POLR1A: variants seen among roughly 807,000 people sequenced by gnomAD.
The protein encoded by POLR1A is RNA polymerase I subunit A, also known as DNA-directed RNA polymerase I subunit RPA1.
A neutral mutation model predicts 205.3 loss-of-function variants in POLR1A; 84 were observed. The observed-to-expected ratio is 0.41, with a 90% CI of 0.34 to 0.49. POLR1A has a LOEUF of 0.49. Among genes scored for constraint, POLR1A ranks in the 20% least tolerant of loss-of-function variants. The pLI is 0.22. For missense variants in POLR1A, 1,645 were observed against 2,204.5 expected, an observed-to-expected ratio of 0.75 and a Z score of 5.08; for synonymous variants, 799 against 863.7, an observed-to-expected ratio of 0.93 and a Z score of 1.31.
At chr2:86,067,292 A>G (rs1185315753) in intron 13 of POLR1A, among the ~76,000 whole-genome samples, 1 of 152,238 alleles carries the variant, frequency 6.6e-6, no homozygotes, top group Non-Finnish European at 1.5e-5. Context: ...TGACATTACA[A>G]TTAATGTCTC....
intron 6 of POLR1A, among the ~76,000 whole-genome samples, chr2:86,085,968 C>T (rs1484916122): frequency 1.3e-5 from 2 of 152,136 alleles, no homozygotes; most frequent in African/African-American, 2.4e-5. Context: ...GCACAGGGAG[C>T]GCACTGGAGC....
At chr2:86,068,386 C>CGGCG (rs1553436016) in intron 13 of POLR1A, among the ~76,000 whole-genome samples, 2 of 12,224 alleles carry the variant, frequency 1.6e-4, no homozygotes, top group African/African-American at 4.5e-4. Context: ...AGCACATGGG[C>CGGCG]GGGGGGGGGG....
intron 31 of POLR1A, among the ~76,000 whole-genome samples, chr2:86,029,634 TC>T (rs1410489380): frequency 6.7e-6 from 1 of 150,218 alleles, no homozygotes; most frequent in Admixed American, 6.6e-5. Context: ...TCTCACTCTG[TC>T]CCCCAGGCTG....
At position 86,083,089 on chromosome 2, in the gene POLR1A, C is replaced by A. The variant is rs1400211517; in HGVS notation, c.810G>T (p.Lys270Asn). 6.2e-7 allele frequency: 1 copy of A among 1,613,070 alleles called. No individual in the cohort carries two copies. Among genetic ancestry groups the A allele is most frequent in the Non-Finnish European group, 8.5e-7 (1 of 1,179,000 alleles). The change falls in exon 7 of 34, where the codon AAG (lysine) becomes AAT (asparagine). Residue 270 changes from lysine to asparagine, a missense_variant. By Grantham distance (94) the Lys-to-Asn change is moderately conservative (BLOSUM62 0). Around this residue, in one of 16 missense-constraint regions of POLR1A, gnomAD observed 330 missense variants for 375.6 expected, o/e 0.88. Transcript: ENST00000263857. ...SAREHLSALWKNEGFFLNYLF... is the reference protein window; with the variant it reads ...SAREHLSALWNNEGFFLNYLF... ...TTTAGCCTGATACAGCACCTTCATT[C>A]TTCCACAGGGCAGAAAGGTGTTCGC... is the stretch of plus-strand genomic sequence containing the variant.
At position 86,073,213 on chromosome 2, in the gene POLR1A, T is replaced by A. The variant is rs12467811; in HGVS notation, c.1611+1817A>T. ...GACCTTGTCTCAAAAAAAAATAAAA[T>A]AAAAAAAAAAAAAATGACAGGTTTT... On this transcript the variant is annotated intron_variant, in intron 12 of 33. Coordinates refer to ENST00000263857, the MANE Select transcript of POLR1A (RefSeq NM_015425.6). 4.6e-4 allele frequency among the ~76,000 whole-genome samples: 68 copies of A among 146,880 alleles called. 1 individual carries two copies. Among genetic ancestry groups the A allele is most frequent in the African/African-American group, 1.1e-3 (45 of 40,138 alleles).
intron 12 of POLR1A, among the ~76,000 whole-genome samples, chr2:86,071,227 CATGT>C (rs1673174608): frequency 2.7e-5 from 4 of 147,250 alleles, no homozygotes; most frequent in African/African-American, 2.6e-5. Context: ...TCTCCGTGTG[CATGT>C]GTGTGTGTGT....
intron 16 of POLR1A, among the ~76,000 whole-genome samples, chr2:86,051,664 T>C (rs1229902952): frequency 6.6e-6 from 1 of 152,236 alleles, no homozygotes; most frequent in East Asian, 1.9e-4. Context: ...CTGCTCTGTG[T>C]ACATGGAGGT....
In POLR1A at chr2:86,039,465, G is replaced by A. The variant is rs781660460; in HGVS notation, c.3741-3C>T. On this transcript the variant is annotated splice_polypyrimidine_tract_variant and splice_region_variant and intron_variant, in intron 25 of 33. Coordinates refer to ENST00000263857, the MANE Select transcript of POLR1A (RefSeq NM_015425.6). ...CCACCATGAGAATCTCCCGCAACCTGTCACAGAATAAGGGCACATCCAATC... is the reference window on the plus strand; with the variant it reads ...CCACCATGAGAATCTCCCGCAACCTATCACAGAATAAGGGCACATCCAATC... 8.7e-6 allele frequency: 14 copies of A among 1,614,020 alleles called. No homozygotes were observed. The highest frequency in any genetic ancestry group is 1.3e-5 in the African/African-American group (1 of 74,914).
chr2:86,035,929 T>C (rs1672485016), intron 27 of POLR1A, among the ~76,000 whole-genome samples: 1 of 152,212 alleles, frequency 6.6e-6, no homozygotes, highest in Non-Finnish European at 1.5e-5. Flanking sequence ...GTGGTAGGCA[T>C]GTGACCAGTG....
chr2:86,030,124 G>C (rs1214724201), intron 31 of POLR1A, 72 bp downstream of exon 31: 13 of 1,290,568 alleles, frequency 1.0e-5, no homozygotes, highest in Admixed American at 1.7e-5. Flanking sequence ...GAGCCTCCCA[G>C]TGGCTGGGTC....
At position 86,089,711 on chromosome 2, in the gene POLR1A, G is replaced by T. The variant is rs2288121; in HGVS notation, c.540+111C>A. 0.85 allele frequency: 595,295 copies of T among 701,348 alleles called. 255,437 individuals are homozygous for T. The highest frequency in any genetic ancestry group is 0.88 in the South Asian group (51,441 of 58,426). The allele number at this position is 701,348 out of a possible 1,614,324, so 43.4% of individuals were successfully genotyped here. A position where few individuals can be genotyped will look rare whatever the true frequency, so the allele number is the denominator to read the frequency against. Reference sequence around the variant, plus strand: ...GTCTCACAAGAGACAGAGCTCAGATGCAAACTCAGGTCTACTTTGGGAAGC... The same window carrying T: ...GTCTCACAAGAGACAGAGCTCAGATTCAAACTCAGGTCTACTTTGGGAAGC... On this transcript the variant is annotated intron_variant, in intron 4 of 33. Transcript: ENST00000263857.
At position 86,027,989 on chromosome 2, in the gene POLR1A, A is replaced by G. The variant is rs1209677113; in HGVS notation, c.4958T>C (p.Val1653Ala). Residue 1653 changes from valine to alanine, a missense_variant, in exon 33 of 34, where the codon GTT (valine) becomes GCT (alanine). This residue lies in a region of POLR1A where 86 missense variants were observed against 149.8 expected (regional missense o/e 0.57). Transcript: ENST00000263857. ...CCCAAAGCGATTCAGTGGCTTGTAA[A>G]CACCCTCGAAGCACATATAATCAGC... Reference protein sequence around the residue: ...LVADYMCFEGVYKPLNRFGIR... With the variant: ...LVADYMCFEGAYKPLNRFGIR... The G allele has an allele frequency of 1.9e-6, 3 of 1,614,062 alleles. No individual in the cohort carries two copies. The African/African-American group carries it at 4.0e-5, about 22-fold the overall frequency.
rs750690447 is a variant in POLR1A at position 86,065,407 on chromosome 2, G to T, written c.1925C>A (p.Thr642Asn). Residue 642 changes from threonine (T) to asparagine (N), a missense_variant, in exon 14 of 34, where the codon ACT becomes AAT. Around this residue, in one of 16 missense-constraint regions of POLR1A, gnomAD observed 339 missense variants for 415.1 expected, o/e 0.82. Coordinates refer to ENST00000263857, the MANE Select transcript of POLR1A (RefSeq NM_015425.6). ...CCGGGTGAAAAAGCAACCCCGAGTA[G>T]TCATGCTTGCCCCTGAAACCATGTG... is the stretch of plus-strand genomic sequence containing the variant. ...QDHMVSGASM[T>N]TRGCFFTREH... The T allele has an allele frequency of 5.1e-5, 83 of 1,614,052 alleles. No homozygotes were observed. Among genetic ancestry groups the T allele is most frequent in the Non-Finnish European group, 6.5e-5 (77 of 1,180,016 alleles).
In POLR1A at chr2:86,092,089, C is replaced by T. The variant is rs188973429; in HGVS notation, c.433-2160G>A. 2.8e-3 allele frequency among the ~76,000 whole-genome samples: 431 copies of T among 152,138 alleles called. 3 individuals carry two copies. The highest frequency in any genetic ancestry group is 9.9e-3 in the African/African-American group (412 of 41,488). ...CAAGACTGTGCCACTGCACTCCAGCCTGGGTAACAGAGCAAGACTCTGTCT... is the reference window on the plus strand; with the variant it reads ...CAAGACTGTGCCACTGCACTCCAGCTTGGGTAACAGAGCAAGACTCTGTCT... On this transcript the variant is annotated intron_variant, in intron 3 of 33. Transcript: ENST00000263857.
At chr2:86,057,210 C>T (rs1672912221) in intron 14 of POLR1A, among the ~76,000 whole-genome samples, 1 of 152,046 alleles carries the variant, frequency 6.6e-6, no homozygotes, top group Non-Finnish European at 1.5e-5. Flanking sequence ...TTAAGTATGA[C>T]TTTCAGAGGG....
At chr2:86,053,604 T>A (rs145583353) in intron 15 of POLR1A, among the ~76,000 whole-genome samples, 3 of 152,184 alleles carry the variant, frequency 2.0e-5, no homozygotes, top group African/African-American at 7.2e-5. Context: ...ATATGGTCTA[T>A]AAAGGAAAAG....
chr2:86,048,401 G>A (rs778908184), intron 18 of POLR1A, among the ~76,000 whole-genome samples: 5 of 152,194 alleles, frequency 3.3e-5, no homozygotes, highest in Non-Finnish European at 7.3e-5. Context: ...CTGTGAGGTG[G>A]TGCCCCTCAC....
intron 21 of POLR1A, 173 bp from the exon 22 acceptor site, chr2:86,044,477 TC>T: frequency 1.5e-6 from 1 of 645,520 alleles, no homozygotes; most frequent in Non-Finnish European, 2.6e-6. Context: ...TGCTCCAGTG[TC>T]CCCCAGCCAG....
intron 14 of POLR1A, 96 bp downstream of exon 14, chr2:86,065,178 C>T: frequency 8.9e-7 from 1 of 1,127,140 alleles, no homozygotes. Context: ...TTAGCCATTT[C>T]TCTGTCTCTG....
Sources: gnomAD v4.1 joint callset for allele counts (sites outside exome capture counted in the v4.1 genomes callset) on GRCh38, gnomAD v4.1.1 for gene constraint, gnomAD v4.1.1 regional missense constraint, MANE v1.5 for transcripts, NCBI Gene and HGNC (gene_info 2026-07-23, HGNC 2026-07-21) for gene names.